Variants in DDRGK1 observed in about 807,000 individuals in gnomAD.
DDRGK1 encodes the protein DDRGK domain-containing protein 1.
A neutral mutation model predicts 45.8 loss-of-function variants in DDRGK1; 38 were observed. That is an observed-to-expected ratio of 0.83 (90% CI 0.64 to 1.09). The LOEUF (loss-of-function observed/expected upper bound fraction) is 1.09, where lower values mean the gene tolerates loss of function less well. Among genes scored for constraint, DDRGK1 ranks in the 50% least tolerant of loss-of-function variants. The pLI, the probability that DDRGK1 is intolerant of heterozygous loss-of-function variation, is 0.00. For missense variants in DDRGK1, 403 were observed against 419.9 expected, an observed-to-expected ratio of 0.96 and a Z score of 0.35; for synonymous variants, 171 against 168.7, an observed-to-expected ratio of 1.01 and a Z score of -0.11.
chr20:3,200,496 G>A, intron 2 of DDRGK1, 42 bp from the exon 3 acceptor site: 2 of 1,527,912 alleles, frequency 1.3e-6, no homozygotes, highest in Non-Finnish European at 8.9e-7. Context: ...TCTGACCAGA[G>A]AGGACTGATG....
Position 3,199,985 on chromosome 20 carries a change from T to C in DDRGK1, c.510+16A>G, listed in dbSNP as rs748333615. 3 of 1,599,798 alleles carry C rather than the reference T, an allele frequency of 1.9e-6. No individual in the cohort carries two copies. The highest frequency in any genetic ancestry group is 2.3e-5 in the South Asian group (2 of 88,292). On this transcript the variant is annotated intron_variant, in intron 4 of 8. Coordinates refer to ENST00000354488, the MANE Select transcript of DDRGK1 (RefSeq NM_023935.3). ...CCTGGTCAAGGGTCAGAGGTCAGGG[T>C]AGGGGCTGGCCTCACCTTCTGCTCC...
At chr20:3,193,252 CA>C (rs1176352225) in intron 6 of DDRGK1, among the ~76,000 whole-genome samples, 1 of 151,998 alleles carries the variant, frequency 6.6e-6, no homozygotes, top group Non-Finnish European at 1.5e-5. Context: ...AATCTTAAGG[CA>C]AAAAAGGTCT....
intron 8 of DDRGK1, 131 bp from the exon 9 acceptor site, chr20:3,190,950 T>C (rs2122227095): frequency 7.3e-7 from 1 of 1,365,432 alleles, no homozygotes; most frequent in Non-Finnish European, 9.9e-7. Context: ...CTTTCCTGGC[T>C]GCATCCAGTC....
At chr20:3,195,401 A>C (rs751418312) in intron 4 of DDRGK1, 48 bp from the exon 5 acceptor site, 1 of 1,544,266 alleles carries the variant, frequency 6.5e-7, no homozygotes. Context: ...AGAACAGGGC[A>C]GGCACCTGTT....
At chr20:3,200,277 TA>T in intron 3 of DDRGK1, 64 bp downstream of exon 3, 1 of 1,511,676 alleles carries the variant, frequency 6.6e-7, no homozygotes, top group Non-Finnish European at 9.0e-7. Context: ...CAGTCTGCCT[TA>T]GGGAAAAAGG....
At chr20:3,192,456 G>C (rs997107642) in intron 6 of DDRGK1, among the ~76,000 whole-genome samples, 1 of 152,162 alleles carries the variant, frequency 6.6e-6, no homozygotes, top group Admixed American at 6.5e-5. Context: ...GGCTGTGGGG[G>C]CCCACTCCTG....
At chr20:3,198,359 G>A (rs533164124) in intron 4 of DDRGK1, among the ~76,000 whole-genome samples, 9 of 145,332 alleles carry the variant, frequency 6.2e-5, no homozygotes, top group Non-Finnish European at 7.5e-5. Flanking sequence ...AGCCGAGATC[G>A]TGCCACTGCA....
chr20:3,199,040 G>A (rs1046247678), intron 4 of DDRGK1, among the ~76,000 whole-genome samples: 3 of 149,962 alleles, frequency 2.0e-5, no homozygotes, highest in East Asian at 3.9e-4. Context: ...CCAGCTACTC[G>A]CAGGGACGGG....
intron 4 of DDRGK1, among the ~76,000 whole-genome samples, chr20:3,197,521 G>A (rs933363834): frequency 1.3e-5 from 2 of 152,186 alleles, no homozygotes; most frequent in Non-Finnish European, 2.9e-5. Flanking sequence ...ATTGAAGATG[G>A]AACTTCACTT....
chr20:3,190,799 TG>T lies in DDRGK1; in HGVS notation c.798del (p.Lys267SerfsTer5), dbSNP rs1323657899. The T allele has an allele frequency of 6.2e-7, 1 of 1,613,194 alleles. No individual in the cohort carries two copies. The highest frequency in any genetic ancestry group is 2.2e-5 in the East Asian group (1 of 44,850). The stretch of plus-strand genomic sequence containing the variant: ...TCCTCTGGGGTTATGTAGATGAACT[TG>T]CCCCGGTCGTCAATCACACCTGTGG... ...GTITGVIDDRGKFIYITPEEL... is the reference protein window; with the variant it reads ...GTITGVIDDRXKFIYITPEEL... On this transcript the variant is annotated frameshift_variant, in exon 9 of 9. Transcript: ENST00000354488. LOFTEE classifies it high-confidence loss of function.
intron 7 of DDRGK1, chr20:3,191,453 A>AGCGG (rs2066988994): frequency 1.5e-6 from 1 of 658,500 alleles, no homozygotes; most frequent in Admixed American, 2.4e-5. Context: ...TCCTGTTAGA[A>AGCGG]GCGGGGCAGT....
At chr20:3,197,797 G>C (rs936873430) in intron 4 of DDRGK1, among the ~76,000 whole-genome samples, 2 of 151,854 alleles carry the variant, frequency 1.3e-5, no homozygotes, top group South Asian at 2.1e-4. Context: ...AGGTGTGGTG[G>C]TGCACGTCTG....
rs1172202278 is a variant in DDRGK1 at position 3,195,238 on chromosome 20, T to A, written c.626A>T (p.Glu209Val). The A allele has an allele frequency of 1.2e-6, 2 of 1,613,946 alleles. No homozygotes were observed. Among genetic ancestry groups the A allele is most frequent in the African/African-American group, 2.7e-5 (2 of 74,926 alleles). The change falls in exon 5 of 9, where the codon GAG becomes GTG. Residue 209 changes from glutamate (E) to valine (V), a missense_variant. By Grantham distance (121) the Glu-to-Val change is moderately radical. Coordinates refer to ENST00000354488, the MANE Select transcript of DDRGK1 (RefSeq NM_023935.3). ...CAGGGGCAGCAGGCCCACCTGTTCC[T>A]CAGTCATGGTCTCTCCTACGCCTTC... ...EEEGVGETMT[E>V]EQSQSFLTEF...
At chr20:3,195,421 G>A in intron 4 of DDRGK1, 68 bp from the exon 5 acceptor site, 1 of 1,516,444 alleles carries the variant, frequency 6.6e-7, no homozygotes, top group Non-Finnish European at 8.8e-7. Flanking sequence ...TCTGGTTGCT[G>A]CTACCCCTGC....
Position 3,191,392 on chromosome 20 carries a change from T to C in DDRGK1, c.730-154A>G. 3.7e-6 allele frequency: 3 copies of C among 814,916 alleles called. No individual in the cohort carries two copies. The South Asian group carries it at 4.8e-5, about 13-fold the overall frequency. 50.5% of individuals were successfully genotyped at this position (814,916 alleles called of 1,614,324 possible). On this transcript the variant is annotated intron_variant, in intron 7 of 8. Transcript: ENST00000354488. ...GCTTTGCCTTTGGAAGGGCCCTGGG[T>C]AGAAGGGGCTCTGGTCCTGGGCCCT... is the stretch of plus-strand genomic sequence containing the variant.
chr20:3,194,822 C>T lies in DDRGK1; in HGVS notation c.672+8G>A, dbSNP rs907616056. The T allele has an allele frequency of 1.2e-6, 2 of 1,614,150 alleles. No individual in the cohort carries two copies. The highest frequency in any genetic ancestry group is 1.7e-6 in the Non-Finnish European group (2 of 1,180,014). ...CTGACACTCAGGCTCTGTTCAGTGG[C>T]TTCTTACCTTGATGTAGTTGATGAA... On this transcript the variant is annotated splice_region_variant and intron_variant, in intron 6 of 8. Transcript: ENST00000354488.
chr20:3,204,429 C>T, intron 1 of DDRGK1, 108 bp downstream of exon 1: 1 of 1,185,996 alleles, frequency 8.4e-7, no homozygotes, highest in Non-Finnish European at 1.2e-6. Context: ...CGCATGCGTC[C>T]CGCCCGCCCA....
intron 2 of DDRGK1, among the ~76,000 whole-genome samples, chr20:3,202,208 C>A (rs1369070189): frequency 6.6e-6 from 1 of 152,008 alleles, no homozygotes; most frequent in Non-Finnish European, 1.5e-5. Flanking sequence ...CCCTCCTTGG[C>A]CTCCCAAAGT....
chr20:3,195,505 C>T, intron 4 of DDRGK1, 152 bp from the exon 5 acceptor site: 2 of 1,149,194 alleles, frequency 1.7e-6, no homozygotes, highest in Non-Finnish European at 2.4e-6. Context: ...CTCCATTCCC[C>T]CAAGCTGAAC....
Sources: gnomAD v4.1 joint callset for allele counts (sites outside exome capture counted in the v4.1 genomes callset) on GRCh38, gnomAD v4.1.1 for gene constraint, MANE v1.5 for transcripts, NCBI Gene and HGNC (gene_info 2026-07-23, HGNC 2026-07-21) for gene names.